The following HSP90AA1 variants were observed in gnomAD, a reference collection of about 807,000 sequenced individuals.
HSP90AA1 encodes heat shock protein 90 alpha family class A member 1, also known as heat shock protein HSP 90-alpha.
HSP90AA1 carries 18 observed loss-of-function variants against 73.3 expected under a neutral mutation model. The ratio of observed to expected loss-of-function variants is 0.25; its 90% CI spans 0.17 to 0.36. The LOEUF is 0.36. Among genes scored for constraint, HSP90AA1 ranks in the 10% least tolerant of loss-of-function variants. The pLI, the probability that HSP90AA1 is intolerant of heterozygous loss-of-function variation, is 1.00. For missense variants in HSP90AA1, 704 were observed against 874.2 expected, an observed-to-expected ratio of 0.81 and a Z score of 2.45; for synonymous variants, 477 against 296.9, an observed-to-expected ratio of 1.61 and a Z score of -6.24.
rs1459724917 is a variant in HSP90AA1 at position 102,081,281 on chromosome 14, G to C, written c.*431C>G. On this transcript the variant is annotated 3_prime_UTR_variant, in exon 11 of 11. Transcript: ENST00000216281. ...TATTTCTAGAGGACTAGTACATGCA[G>C]AATTGTCAACTACAGGGAATGAAAA... is the stretch of plus-strand genomic sequence containing the variant. The C allele has an allele frequency of 3.4e-6, 1 of 289,922 alleles. No individual in the cohort carries two copies. The highest frequency in any genetic ancestry group is 2.2e-5 in the African/African-American group (1 of 46,420). The allele number at this position is 289,922 out of a possible 1,614,324, so 18.0% of individuals were successfully genotyped here.
chr14:102,081,512 A>G lies in HSP90AA1; in HGVS notation c.*200T>C. 1 of 602,930 alleles carries G rather than the reference A, an allele frequency of 1.7e-6. No individual in the cohort carries two copies. The highest frequency in any genetic ancestry group is 2.9e-6 in the Non-Finnish European group (1 of 339,970). 37.3% of individuals were successfully genotyped at this position (602,930 alleles called of 1,614,324 possible). On this transcript the variant is annotated 3_prime_UTR_variant, in exon 11 of 11. Coordinates refer to ENST00000216281, the MANE Select transcript of HSP90AA1 (RefSeq NM_005348.4). The stretch of plus-strand genomic sequence containing the variant: ...TGAAAATAAACCAACATGAAACTCA[A>G]AAAGCATTACTAGCTCTGCTTTAGT...
exon 1 of HSP90AA1, chr14:102,139,640 A>G (rs1379624437): frequency 1.6e-5 from 10 of 641,778 alleles, no homozygotes; most frequent in Non-Finnish European, 2.7e-5. Context: ...CACTAGCTGA[A>G]GCCGGCATCA....
intron 1 of HSP90AA1, among the ~76,000 whole-genome samples, chr14:102,124,864 T>C (rs187098763): frequency 6.6e-6 from 1 of 152,372 alleles, no homozygotes; most frequent in East Asian, 1.9e-4. Context: ...TGACCTTAAG[T>C]CCAGTGCTCT....
At chr14:102,087,590 A>G (rs190327978), upstream of HSP90AA1, among the ~76,000 whole-genome samples, 1,186 of 152,160 alleles carry the variant, frequency 7.8e-3, 10 homozygotes, top group African/African-American at 0.027. Flanking sequence ...CCCGCTGCCA[A>G]AGAATCCAGC....
chr14:102,093,462 T>C (rs1392602947), intron 2 of HSP90AA1, among the ~76,000 whole-genome samples: 2 of 143,652 alleles, frequency 1.4e-5, no homozygotes, highest in Non-Finnish European at 3.0e-5. Context: ...TCCAGCCTGG[T>C]GACAGAGCAA....
chr14:102,105,231 C>G (rs61992492), intron 1 of HSP90AA1, among the ~76,000 whole-genome samples: 2 of 78,416 alleles, frequency 2.6e-5, no homozygotes, highest in Non-Finnish European at 5.8e-5. Flanking sequence ...AAAAAAAAAC[C>G]AAACTTCATT....
At chr14:102,116,938 C>T (rs2049714499) in intron 1 of HSP90AA1, among the ~76,000 whole-genome samples, 1 of 152,084 alleles carries the variant, frequency 6.6e-6, no homozygotes, top group Non-Finnish European at 1.5e-5. Flanking sequence ...CACTCTGTGC[C>T]CTCAGGGCAC....
Position 102,085,409 on chromosome 14 carries a change from T to C in HSP90AA1, c.552A>G (p.Thr184=), listed in dbSNP as rs1357432091. 1 of 1,613,682 alleles carries C rather than the reference T, an allele frequency of 6.2e-7. No homozygotes were observed. The highest frequency in any genetic ancestry group is 1.7e-5 in the Admixed American group (1 of 59,960). The change falls in exon 4 of 11, where the codon ACA becomes ACG. Residue 184 remains threonine (T), a synonymous_variant. Coordinates refer to ENST00000216281, the MANE Select transcript of HSP90AA1 (RefSeq NM_005348.4). ...TDTGEPMGRG[T]KVILHLKEDQ... ...CTTCTTTCAGGTGTAGGATAACTTT[T>C]GTTCCACGACCCATAGGTTCACCTG...
chr14:102,092,395 G>A (rs1427673524), intron 2 of HSP90AA1, among the ~76,000 whole-genome samples: 1 of 152,046 alleles, frequency 6.6e-6, no homozygotes, highest in East Asian at 1.9e-4. Flanking sequence ...TAATTCCATT[G>A]TGGTCAGAGA....
At chr14:102,131,402 TGGATTACTACAGTTA>T (rs981003413) in intron 1 of HSP90AA1, among the ~76,000 whole-genome samples, 24 of 152,210 alleles carry the variant, frequency 1.6e-4, no homozygotes, top group African/African-American at 5.5e-4. Flanking sequence ...ACCTGTGGCC[TGGATTACTACAGTTA>T]GCTTCCTTAG....
At chr14:102,092,607 G>A (rs979008296) in intron 2 of HSP90AA1, among the ~76,000 whole-genome samples, 7 of 152,134 alleles carry the variant, frequency 4.6e-5, no homozygotes, top group African/African-American at 1.7e-4. Flanking sequence ...TGTAGGAGGT[G>A]GGGCAGACAG....
At chr14:102,092,513 A>C (rs757030458) in intron 2 of HSP90AA1, among the ~76,000 whole-genome samples, 2 of 152,170 alleles carry the variant, frequency 1.3e-5, no homozygotes, top group Non-Finnish European at 2.9e-5. Context: ...AATTATGCTG[A>C]GAAAGATGCC....
At chr14:102,111,968 A>G (rs946310259) in intron 1 of HSP90AA1, among the ~76,000 whole-genome samples, 5 of 152,208 alleles carry the variant, frequency 3.3e-5, no homozygotes, top group African/African-American at 1.2e-4. Flanking sequence ...GATCTTTTCT[A>G]TTCCAAGTGT....
At chr14:102,088,251 T>G (rs2049296695), upstream of HSP90AA1, among the ~76,000 whole-genome samples, 1 of 152,190 alleles carries the variant, frequency 6.6e-6, no homozygotes, top group Non-Finnish European at 1.5e-5. Flanking sequence ...TTGGAGGCAT[T>G]GGGGTTCCTT....
chr14:102,082,947 T>A (rs2049133192), intron 9 of HSP90AA1, 87 bp downstream of exon 9: 1 of 1,383,648 alleles, frequency 7.2e-7, no homozygotes, highest in Non-Finnish European at 1.0e-6. Flanking sequence ...TGTTTTAAGT[T>A]GAAAACATGC....
chr14:102,086,793 G>A (rs927766218), intron 1 of HSP90AA1, among the ~76,000 whole-genome samples, 193 bp downstream of exon 1: 3 of 151,686 alleles, frequency 2.0e-5, no homozygotes, highest in African/African-American at 7.2e-5. Flanking sequence ...GCGGCCGCCC[G>A]GCCCATTCCT....
chr14:102,125,595 G>T (rs538659328), intron 1 of HSP90AA1, among the ~76,000 whole-genome samples: 1 of 152,284 alleles, frequency 6.6e-6, no homozygotes, highest in East Asian at 1.9e-4. Flanking sequence ...CCCCCGCTCA[G>T]AAAGCTAGAA....
At chr14:102,087,184 C>G (rs1778593268), upstream of HSP90AA1, 5 of 982,278 alleles carry the variant, frequency 5.1e-6, no homozygotes, top group South Asian at 4.7e-5. Context: ...GCGCCGTTGC[C>G]GCGGCACCCC....
intron 1 of HSP90AA1, among the ~76,000 whole-genome samples, chr14:102,134,847 G>A (rs1024334432): frequency 1.3e-5 from 2 of 152,182 alleles, no homozygotes; most frequent in Admixed American, 6.6e-5. Context: ...GCCAATGCTA[G>A]CTCGGGCAGC....
Sources: gnomAD v4.1 joint callset for allele counts (sites outside exome capture counted in the v4.1 genomes callset) on GRCh38, gnomAD v4.1.1 for gene constraint, MANE v1.5 for transcripts, NCBI Gene and HGNC (gene_info 2026-07-23, HGNC 2026-07-21) for gene names.